The following ZNF689 variants were observed in gnomAD, a reference collection of about 807,000 sequenced individuals.
ZNF689 encodes the protein short ORF-encoded histone-binding protein.
A neutral mutation model predicts 37.2 loss-of-function variants in ZNF689; 14 were observed. That is an observed-to-expected ratio of 0.38 (90% confidence interval 0.25 to 0.59). The LOEUF (loss-of-function observed/expected upper bound fraction) is 0.59. Ranked by LOEUF, ZNF689 falls within the 20% of genes least tolerant of loss-of-function variation. The pLI, the probability that ZNF689 is intolerant of heterozygous loss-of-function variation, is 0.68. For missense variants in ZNF689, 573 were observed against 700.2 expected (o/e 0.82, Z 2.05); for synonymous variants, 277 against 283.3 (o/e 0.98, Z 0.22).
intron 2 of ZNF689, among the ~76,000 whole-genome samples, chr16:30,607,038 G>A (rs2052042473): frequency 6.6e-6 from 1 of 151,482 alleles, no homozygotes; most frequent in East Asian, 2.0e-4. Context: ...ATCACCTGAG[G>A]TCAGGAGTTC....
At chr16:30,610,607 C>A (rs990646090), upstream of ZNF689, 1 of 153,158 alleles carries the variant, frequency 6.5e-6, no homozygotes, top group Non-Finnish European at 1.5e-5. Flanking sequence ...GCAAGAGGCC[C>A]CGGGGCTGCT....
chr16:30,607,373 G>C (rs1452006181), intron 2 of ZNF689, among the ~76,000 whole-genome samples: 2 of 144,084 alleles, frequency 1.4e-5, no homozygotes, highest in Non-Finnish European at 3.1e-5. Flanking sequence ...TGGGCGGACT[G>C]TGAGGTCAGG....
Position 30,605,260 on chromosome 16 carries a change from G to A in ZNF689, c.507C>T (p.Cys169=), listed in dbSNP as rs1482295354. 1.2e-6 allele frequency: 2 copies of A among 1,611,294 alleles called. No individual in the cohort carries two copies. The highest frequency in any genetic ancestry group is 3.3e-5 in the Admixed American group (2 of 59,760). The change falls in exon 3 of 3, where the codon TGC becomes TGT. Residue 169 remains cysteine (C), a synonymous_variant. Coordinates refer to ENST00000287461, the MANE Select transcript of ZNF689 (RefSeq NM_138447.3). This position sits in a 1 kb window ranked among gnomAD's most constrained non-coding sequence, Gnocchi z 5.1. ...PDHQALESHK[C]AQNLKKPYPC... ...GGTAAGGCTTTTTTAGATTCTGGGC[G>A]CACTTGTGGCTCTCCAGGGCCTGAT...
chr16:30,604,709 C>A lies in ZNF689; in HGVS notation c.1058G>T (p.Arg353Leu). ...GAGCAGCGTGCTGCGCTGGGAGAAG[C>A]GGGCCTCACAGTGCTCGCAGGCATA... ...RPYACEHCEA[R>L]FSQRSTLLQH... Residue 353 changes from arginine to leucine, a missense_variant, in exon 3 of 3, where the codon CGC becomes CTC. By Grantham distance (102) the Arg-to-Leu change is moderately radical. Transcript: ENST00000287461. The surrounding 1 kb of genome is among the most constrained non-coding windows in gnomAD (Gnocchi z 5.2). The A allele has an allele frequency of 6.2e-7, 1 of 1,607,324 alleles. No individual in the cohort carries two copies. The highest frequency in any genetic ancestry group is 2.2e-5 in the East Asian group (1 of 44,746).
rs1174462466 is a variant in ZNF689 at position 30,605,447 on chromosome 16, T to C, written c.320A>G (p.Lys107Arg). The change falls in exon 3 of 3, where the codon AAA (lysine) becomes AGA (arginine). Residue 107 changes from lysine (K) to arginine (R), a missense_variant and splice_region_variant. Coordinates refer to ENST00000287461, the MANE Select transcript of ZNF689 (RefSeq NM_138447.3). The surrounding 1 kb of genome is among the most constrained non-coding windows in gnomAD (Gnocchi z 5.1). ...EYPRGLTVQR[K>R]SRTRKKNGEK... is the part of the protein sequence containing the mutation. ...CCCATTCTTCTTTCTGGTTCTGCTT[T>C]CTATAGAAATACAGAAGCATTAATT... The C allele has an allele frequency of 6.2e-7, 1 of 1,609,120 alleles. No individual in the cohort carries two copies. The highest frequency in any genetic ancestry group is 1.3e-5 in the African/African-American group (1 of 74,570).
chr16:30,610,341 C>G lies in ZNF689; in HGVS notation c.-300G>C, dbSNP rs2052085324. The G allele has an allele frequency of 4.9e-6, 2 of 409,660 alleles. No individual in the cohort carries two copies. The highest frequency in any genetic ancestry group is 4.4e-6 in the Non-Finnish European group (1 of 227,350). The allele number at this position is 409,660 out of a possible 1,614,324, so 25.4% of individuals were successfully genotyped here. ...GCTTCCAGCTATCGATTTTATTGAC[C>G]GGAGCGCCATGCCGGCTTCCTAACC... On this transcript the variant is annotated 5_prime_UTR_variant, in exon 1 of 3. Transcript: ENST00000287461.
rs762494187 is a variant in ZNF689 at position 30,605,205 on chromosome 16, A to T, written c.562T>A (p.Tyr188Asn). 4 of 1,613,998 alleles carry T rather than the reference A, an allele frequency of 2.5e-6. No individual in the cohort carries two copies. Among genetic ancestry groups the T allele is most frequent in the Non-Finnish European group, 3.4e-6 (4 of 1,179,976 alleles). Residue 188 changes from tyrosine (Y) to asparagine (N), a missense_variant, in exon 3 of 3, where the codon TAT (tyrosine) becomes AAT (asparagine). Tyr to Asn is a moderately radical substitution (Grantham distance 143). Coordinates refer to ENST00000287461, the MANE Select transcript of ZNF689 (RefSeq NM_138447.3). The surrounding 1 kb of genome is among the most constrained non-coding windows in gnomAD (Gnocchi z 5.1). Reference sequence around the variant, plus strand: ...CGGTGACTGACCAGCAGGGATGGATAGGAAAAGCGGCGCCCACAGTCTGGG... The same window carrying T: ...CGGTGACTGACCAGCAGGGATGGATTGGAAAAGCGGCGCCCACAGTCTGGG... ...PCPDCGRRFS[Y>N]PSLLVSHRRA... is the part of the protein sequence containing the mutation.
In ZNF689 at chr16:30,604,711, G is replaced by C; in HGVS notation, c.1056C>G (p.Ala352=). ...GCAGCGTGCTGCGCTGGGAGAAGCGGGCCTCACAGTGCTCGCAGGCATAGG... is the reference window on the plus strand; with the variant it reads ...GCAGCGTGCTGCGCTGGGAGAAGCGCGCCTCACAGTGCTCGCAGGCATAGG... ...ERPYACEHCE[A]RFSQRSTLLQ... is the part of the protein sequence containing the mutation. The change falls in exon 3 of 3, where the codon GCC becomes GCG. Residue 352 remains alanine (A), a synonymous_variant. Coordinates refer to ENST00000287461, the MANE Select transcript of ZNF689 (RefSeq NM_138447.3). This position sits in a 1 kb window ranked among gnomAD's most constrained non-coding sequence, Gnocchi z 5.2. 6.2e-7 allele frequency: 1 copy of C among 1,604,298 alleles called. No homozygotes were observed. Among genetic ancestry groups the C allele is most frequent in the Non-Finnish European group, 8.5e-7 (1 of 1,176,864 alleles).
rs1415529716 is a variant in ZNF689, at chr16:30,605,975, T to C, written c.320-528A>G. On this transcript the variant is annotated intron_variant, in intron 2 of 2. Transcript: ENST00000287461. The surrounding 1 kb of genome is among the most constrained non-coding windows in gnomAD (Gnocchi z 5.1). ...TCAAAAAAAAAAAAAAAAGGAATAT[T>C]TTTGAAGAGGTAAGCTTACATCATT... Among the ~76,000 whole-genome samples the C allele has an allele frequency of 6.6e-6, 1 of 151,918 alleles. No homozygotes were observed. Among genetic ancestry groups the C allele is most frequent in the Non-Finnish European group, 1.5e-5 (1 of 67,980 alleles).
At chr16:30,606,685 A>T (rs2052039508) in intron 2 of ZNF689, among the ~76,000 whole-genome samples, 1 of 151,922 alleles carries the variant, frequency 6.6e-6, no homozygotes, top group African/African-American at 2.4e-5. Flanking sequence ...TATTTTTAGT[A>T]GAGTCAGGGT....
At chr16:30,606,935 G>A (rs956054013) in intron 2 of ZNF689, among the ~76,000 whole-genome samples, 2 of 152,000 alleles carry the variant, frequency 1.3e-5, no homozygotes, top group Admixed American at 6.6e-5. Context: ...ATTGTGGATG[G>A]TTTATTTGAC....
chr16:30,602,790 G>T lies in ZNF689; in HGVS notation c.*1474C>A, dbSNP rs982474304. On this transcript the variant is annotated 3_prime_UTR_variant, in exon 3 of 3. Coordinates refer to ENST00000287461, the MANE Select transcript of ZNF689 (RefSeq NM_138447.3). ...AAAGGATGACCCACTCCAGCTGTTG[G>T]AATATGAGATGAGTCACATCTGGAA... The T allele has an allele frequency of 6.6e-6, 1 of 152,212 alleles. No individual in the cohort carries two copies. The highest frequency in any genetic ancestry group is 1.5e-5 in the Non-Finnish European group (1 of 68,056). The allele number at this position is 152,212 out of a possible 1,614,324, so 9.4% of individuals were successfully genotyped here. A position where few individuals can be genotyped will look rare whatever the true frequency, so the allele number is the denominator to read the frequency against.
At chr16:30,607,817 C>G (rs2052050461) in intron 2 of ZNF689, among the ~76,000 whole-genome samples, 1 of 152,132 alleles carries the variant, frequency 6.6e-6, no homozygotes, top group Admixed American at 6.6e-5. Context: ...TAAAAATTAG[C>G]CGGGTGTGAT....
Position 30,609,960 on chromosome 16 carries a change from C to G in ZNF689, c.82G>C (p.Ala28Pro), listed in dbSNP as rs768935031. 8 of 1,612,052 alleles carry G rather than the reference C, an allele frequency of 5.0e-6. No individual in the cohort carries two copies. The highest frequency in any genetic ancestry group is 1.3e-5 in the African/African-American group (1 of 74,912). Reference sequence around the variant, plus strand: ...ACGGCCACGTCCACGAACTTCAGAGCCCTCGGCCTCCTGCCCCTTTTCCGA... The same window carrying G: ...ACGGCCACGTCCACGAACTTCAGAGGCCTCGGCCTCCTGCCCCTTTTCCGA... ...PSRKRGRRPR[A>P]LKFVDVAVYF... The change falls in exon 1 of 3, where the codon GCT becomes CCT. Residue 28 changes from alanine (A) to proline (P), a missense_variant. Physicochemically the swap from Ala to Pro is conservative, Grantham distance 27. Coordinates refer to ENST00000287461, the MANE Select transcript of ZNF689 (RefSeq NM_138447.3).
chr16:30,608,095 T>C (rs2052052778), intron 2 of ZNF689, among the ~76,000 whole-genome samples: 1 of 152,194 alleles, frequency 6.6e-6, no homozygotes, highest in South Asian at 2.1e-4. Flanking sequence ...GAGGATTTAC[T>C]GAAACAGAAT....
In ZNF689 at chr16:30,604,113, GC is replaced by G; in HGVS notation, c.*150del. On this transcript the variant is annotated 3_prime_UTR_variant, in exon 3 of 3. Transcript: ENST00000287461. This position sits in a 1 kb window ranked among gnomAD's most constrained non-coding sequence, Gnocchi z 5.2. ...GACTGTTCCAGACACGCACAGGGAG[GC>G]AGCCAGCGCATTGCAAGATACAAAG... The G allele has an allele frequency of 2.3e-6, 2 of 852,884 alleles. No individual in the cohort carries two copies. The highest frequency in any genetic ancestry group is 3.9e-6 in the Non-Finnish European group (2 of 514,268). 52.8% of individuals were successfully genotyped at this position (852,884 alleles called of 1,614,324 possible). A position where few individuals can be genotyped will look rare whatever the true frequency, so the allele number is the denominator to read the frequency against.
Position 30,609,570 on chromosome 16 carries a change from C to T in ZNF689, c.274G>A (p.Ala92Thr). The T allele has an allele frequency of 6.2e-7, 1 of 1,614,136 alleles. No individual in the cohort carries two copies. Among genetic ancestry groups the T allele is most frequent in the Non-Finnish European group, 8.5e-7 (1 of 1,180,012 alleles). ...CTCGGGTACTCCTGCGGATCTAGAG[C>T]AGCCGGTTCCCAGTCATCGGTGTTT... ...ERNTDDWEPA[A>T]LDPQEYPRGL... Residue 92 changes from alanine to threonine, a missense_variant, in exon 2 of 3, where the codon GCT becomes ACT. By Grantham distance (58) the Ala-to-Thr change is moderately conservative (BLOSUM62 0). Around this residue, in one of 3 missense-constraint regions of ZNF689, gnomAD observed 252 missense variants for 313.3 expected, o/e 0.80. Coordinates refer to ENST00000287461, the MANE Select transcript of ZNF689 (RefSeq NM_138447.3).
In ZNF689 at chr16:30,604,244, C is replaced by T. The variant is rs773194504; in HGVS notation, c.*20G>A. 1.9e-5 allele frequency: 30 copies of T among 1,613,070 alleles called. No individual in the cohort carries two copies. The East Asian group carries it at 2.9e-4, about 16-fold the overall frequency. On this transcript the variant is annotated 3_prime_UTR_variant, in exon 3 of 3. Transcript: ENST00000287461. The surrounding 1 kb of genome is among the most constrained non-coding windows in gnomAD (Gnocchi z 5.2). ...GGGACCCTCCATAAAATGAAATGAA[C>T]GTAGGCAGTCCTTCCCCTTCTAATG... is the stretch of plus-strand genomic sequence containing the variant.
intron 2 of ZNF689, 36 bp downstream of exon 2, chr16:30,609,489 A>G: frequency 6.3e-7 from 1 of 1,590,074 alleles, no homozygotes; most frequent in Non-Finnish European, 8.6e-7. Flanking sequence ...ACGTTATAGG[A>G]GGGCTGCAGG....
Sources: gnomAD v4.1 joint callset for allele counts (sites outside exome capture counted in the v4.1 genomes callset) on GRCh38, gnomAD v4.1.1 for gene constraint, gnomAD v4.1.1 regional missense constraint, Gnocchi (gnomAD v3.1) non-coding constraint, MANE v1.5 for transcripts, NCBI Gene and HGNC (gene_info 2026-07-23, HGNC 2026-07-21) for gene names.